The following LRRC8D variants were observed in gnomAD, a reference collection of about 807,000 sequenced individuals.
LRRC8D encodes volume-regulated anion channel subunit LRRC8D.
In LRRC8D, 20 loss-of-function variants were observed where a neutral mutation model predicts 55.8. The observed-to-expected ratio is 0.36, with a 90% CI of 0.25 to 0.52. LRRC8D has a LOEUF of 0.52. LRRC8D is among the 20% of genes least tolerant of loss of function. The probability of loss-of-function intolerance (pLI) is 0.93; values close to 1 mark genes in which losing one functional copy is unlikely to be tolerated. For synonymous variants in LRRC8D, 352 were observed against 377.0 expected (o/e 0.93, Z 0.77); for missense variants, 651 against 1,030.8 (o/e 0.63, Z 5.05).
chr1:89,853,916 T>C (rs749883319), intron 2 of LRRC8D, among the ~76,000 whole-genome samples: 3 of 151,118 alleles, frequency 2.0e-5, no homozygotes, highest in Non-Finnish European at 4.4e-5. Flanking sequence ...TTGCGAGGAG[T>C]TGTGTGTATG....
At chr1:89,856,439 T>C (rs770190004) in intron 2 of LRRC8D, among the ~76,000 whole-genome samples, 5 of 152,312 alleles carry the variant, frequency 3.3e-5, no homozygotes, top group Non-Finnish European at 5.9e-5. Flanking sequence ...AAGTAAATGC[T>C]CTTATGATTG....
At chr1:89,868,841 A>T (rs1294851131) in intron 2 of LRRC8D, among the ~76,000 whole-genome samples, 1 of 152,168 alleles carries the variant, frequency 6.6e-6, no homozygotes, top group African/African-American at 2.4e-5. Flanking sequence ...CTGCTGCAGT[A>T]ATTGGGAGGA....
At chr1:89,906,298 A>G (rs556007774) in intron 2 of LRRC8D, among the ~76,000 whole-genome samples, 4 of 152,352 alleles carry the variant, frequency 2.6e-5, no homozygotes, top group East Asian at 1.9e-4. Flanking sequence ...TTTACCCTCA[A>G]TATAAGCAGA....
intron 2 of LRRC8D, among the ~76,000 whole-genome samples, chr1:89,858,367 G>A (rs1438014898): frequency 6.6e-6 from 1 of 152,210 alleles, no homozygotes; most frequent in African/African-American, 2.4e-5. Context: ...GATAGCTAAT[G>A]TGAGGCTGTT....
At chr1:89,857,062 T>A (rs1334274844) in intron 2 of LRRC8D, among the ~76,000 whole-genome samples, 2 of 151,884 alleles carry the variant, frequency 1.3e-5, no homozygotes, top group Non-Finnish European at 2.9e-5. Flanking sequence ...TAGAAAAAAA[T>A]TTGAAGGCTT....
At chr1:89,913,470 CTTCT>C (rs1299487850) in intron 2 of LRRC8D, among the ~76,000 whole-genome samples, 2 of 152,196 alleles carry the variant, frequency 1.3e-5, no homozygotes, top group Non-Finnish European at 2.9e-5. Flanking sequence ...GGACTCAATA[CTTCT>C]TTCTTTTTTC....
intron 2 of LRRC8D, among the ~76,000 whole-genome samples, chr1:89,863,802 C>T (rs1661777834): frequency 1.3e-5 from 2 of 152,052 alleles, no homozygotes; most frequent in African/African-American, 4.8e-5. Context: ...TTGCTTTGTT[C>T]CGGTTTTTAA....
At position 89,870,163 on chromosome 1, in the gene LRRC8D, G is replaced by A. The variant is rs1196375078; in HGVS notation, c.-3+26381G>A. 3.3e-5 allele frequency among the ~76,000 whole-genome samples: 5 copies of A among 151,590 alleles called. No individual in the cohort carries two copies. The East Asian group carries it at 9.8e-4, about 30-fold the overall frequency. On this transcript the variant is annotated intron_variant, in intron 2 of 2. Coordinates refer to ENST00000337338, the MANE Select transcript of LRRC8D (RefSeq NM_001134479.2). ...ATTTCATATCCAGCCAAAGTAAGCT[G>A]CCTTTTAGTTTTTCTAAAAAACTGA... is the stretch of plus-strand genomic sequence containing the variant.
chr1:89,869,774 C>T (rs938407782), intron 2 of LRRC8D, among the ~76,000 whole-genome samples: 1 of 152,202 alleles, frequency 6.6e-6, no homozygotes, highest in African/African-American at 2.4e-5. Context: ...AGAAACCCTA[C>T]AAGCCAGAAG....
chr1:89,920,755 T>C (rs1663394273), intron 2 of LRRC8D, among the ~76,000 whole-genome samples: 1 of 152,064 alleles, frequency 6.6e-6, no homozygotes, highest in African/African-American at 2.4e-5. Context: ...TCTGAAGCAT[T>C]TTTTATTTTC....
At chr1:89,866,932 A>G (rs1158222981) in intron 2 of LRRC8D, among the ~76,000 whole-genome samples, 1 of 152,204 alleles carries the variant, frequency 6.6e-6, no homozygotes, top group East Asian at 1.9e-4. Context: ...GTCGACCCCA[A>G]AGTCGAAGGT....
intron 2 of LRRC8D, among the ~76,000 whole-genome samples, chr1:89,907,285 G>A (rs1230601436): frequency 3.6e-5 from 5 of 140,662 alleles, no homozygotes; most frequent in Admixed American, 8.2e-5. Flanking sequence ...TCCGCCTCCC[G>A]GGTTCAGGCG....
At chr1:89,914,143 C>T (rs1285531452) in intron 2 of LRRC8D, among the ~76,000 whole-genome samples, 1 of 152,218 alleles carries the variant, frequency 6.6e-6, no homozygotes, top group Non-Finnish European at 1.5e-5. Context: ...ATGTTATCCA[C>T]TTTGGATGGA....
chr1:89,893,206 G>A (rs1662622911), intron 2 of LRRC8D, among the ~76,000 whole-genome samples: 1 of 152,188 alleles, frequency 6.6e-6, no homozygotes, highest in Admixed American at 6.5e-5. Flanking sequence ...AGCTAGGGCA[G>A]GAGTGTTGAG....
chr1:89,916,704 AT>A (rs374322515), intron 2 of LRRC8D, among the ~76,000 whole-genome samples: 15 of 147,894 alleles, frequency 1.0e-4, no homozygotes, highest in South Asian at 4.3e-4. Flanking sequence ...TTCTTCGTTG[AT>A]TTTTTTTTTC....
chr1:89,925,413 T>C (rs911093340), intron 2 of LRRC8D, among the ~76,000 whole-genome samples: 3 of 152,192 alleles, frequency 2.0e-5, no homozygotes, highest in Non-Finnish European at 2.9e-5. Flanking sequence ...TGTGATGCAC[T>C]TGAGTTAGCC....
intron 2 of LRRC8D, among the ~76,000 whole-genome samples, chr1:89,930,697 C>G (rs1020538387): frequency 1.3e-5 from 2 of 151,768 alleles, no homozygotes; most frequent in African/African-American, 4.8e-5. Context: ...AGAAATAAAC[C>G]TGTGCAAGGT....
chr1:89,933,830 C>A lies in LRRC8D; in HGVS notation c.762C>A (p.Ile254=). The change falls in exon 3 of 3, where the codon ATC becomes ATA. Residue 254 remains isoleucine (I), a synonymous_variant. Transcript: ENST00000337338. The surrounding 1 kb of genome is among the most constrained non-coding windows in gnomAD (Gnocchi z 7.0). ...GCCCCAGTGCCAGTACACCAATGAT[C>A]AATAAAACTGGCTTTAAATTTTCAG... ...EGSPSASTPM[I]NKTGFKFSAE... 5.6e-6 allele frequency: 9 copies of A among 1,614,016 alleles called. No homozygotes were observed. Among genetic ancestry groups the A allele is most frequent in the Non-Finnish European group, 7.6e-6 (9 of 1,179,978 alleles).
chr1:89,882,278 T>G (rs980248227), intron 2 of LRRC8D, among the ~76,000 whole-genome samples: 1 of 152,216 alleles, frequency 6.6e-6, no homozygotes, highest in Non-Finnish European at 1.5e-5. Context: ...GTGAATAAGG[T>G]AGAGATATCC....
Sources: allele counts gnomAD v4.1 joint callset (sites outside exome capture counted in the v4.1 genomes callset), GRCh38; gene constraint gnomAD v4.1.1; non-coding constraint Gnocchi (gnomAD v3.1); transcripts MANE v1.5; gene names NCBI Gene and HGNC (gene_info 2026-07-23, HGNC 2026-07-21).